CDH23: variants seen among roughly 807,000 people sequenced by gnomAD.
CDH23 encodes the protein cadherin related 23.
A neutral mutation model predicts 317.1 loss-of-function variants in CDH23; 189 were observed. The ratio of observed to expected loss-of-function variants is 0.60; its 90% CI spans 0.53 to 0.67. CDH23 has a LOEUF of 0.67. Ranked by LOEUF, CDH23 falls within the 30% of genes least tolerant of loss-of-function variation. The probability of loss-of-function intolerance (pLI) is 0.00; values close to 1 mark genes in which losing one functional copy is unlikely to be tolerated. For synonymous variants in CDH23, 1,839 were observed against 1,876.8 expected, an observed-to-expected ratio of 0.98 and a Z score of 0.52; for missense variants, 4,401 against 4,592.4, an observed-to-expected ratio of 0.96 and a Z score of 1.20.
intron 14 of CDH23, 52 bp from the exon 15 acceptor site, chr10:71,675,060 T>C (rs1251792753): frequency 5.2e-6 from 8 of 1,547,016 alleles, no homozygotes; most frequent in East Asian, 2.2e-5. Context: ...CCTGTGGACC[T>C]GAAGCCTCAG....
Position 71,554,193 on chromosome 10 carries a change from C to T in CDH23, c.430-12549C>T, listed in dbSNP as rs114532530. 1.4e-3 allele frequency among the ~76,000 whole-genome samples: 214 copies of T among 152,166 alleles called. 1 individual carries two copies. The highest frequency in any genetic ancestry group is 5.0e-3 in the African/African-American group (206 of 41,530). ...AGGCAGGTTTTCTTTTTTGTTTTGT[C>T]GGATTTTTGTTTTTCATTTTTTGAG... On this transcript the variant is annotated intron_variant, in intron 6 of 69. Coordinates refer to ENST00000224721, the MANE Select transcript of CDH23 (RefSeq NM_022124.6).
At chr10:71,655,172 G>A (rs930571805) in intron 14 of CDH23, among the ~76,000 whole-genome samples, 10 of 152,130 alleles carry the variant, frequency 6.6e-5, no homozygotes, top group African/African-American at 1.9e-4. Flanking sequence ...CGAGCTCTCC[G>A]TGACTGGGAA....
intron 35 of CDH23, 128 bp from the exon 36 acceptor site, chr10:71,739,516 C>T (rs1839676780): frequency 3.6e-6 from 4 of 1,119,654 alleles, no homozygotes. Flanking sequence ...TAAAACACTG[C>T]ACTCCCAAAA....
At chr10:71,475,415 G>A (rs1304095344) in intron 3 of CDH23, among the ~76,000 whole-genome samples, 1 of 152,202 alleles carries the variant, frequency 6.6e-6, no homozygotes, top group Non-Finnish European at 1.5e-5. Flanking sequence ...TGTGCAGCCT[G>A]AGCTCTTGGC....
chr10:71,429,996 G>A (rs1204157121), intron 1 of CDH23, among the ~76,000 whole-genome samples: 1 of 152,194 alleles, frequency 6.6e-6, no homozygotes, highest in East Asian at 1.9e-4. Context: ...GTAGATGAAG[G>A]GCATTTGAGC....
chr10:71,478,668 A>T (rs992170283), intron 3 of CDH23, among the ~76,000 whole-genome samples: 9 of 151,940 alleles, frequency 5.9e-5, no homozygotes, highest in African/African-American at 2.2e-4. Flanking sequence ...TCTGGATCCC[A>T]TGCCTCCCCT....
intron 1 of CDH23, among the ~76,000 whole-genome samples, chr10:71,412,705 A>C (rs759913900): frequency 1.3e-5 from 2 of 152,132 alleles, no homozygotes; most frequent in African/African-American, 2.4e-5. Context: ...AGTCATCCTA[A>C]TGGGTGTGAA....
chr10:71,438,382 A>G (rs1430497938), intron 1 of CDH23, among the ~76,000 whole-genome samples: 2 of 152,122 alleles, frequency 1.3e-5, no homozygotes, highest in East Asian at 1.9e-4. Flanking sequence ...AAGAAAGAAA[A>G]AAAAGAAAAA....
At chr10:71,728,741 GTTC>G (rs1250307423) in intron 30 of CDH23, among the ~76,000 whole-genome samples, 1 of 152,174 alleles carries the variant, frequency 6.6e-6, no homozygotes, top group Admixed American at 6.5e-5. Flanking sequence ...TGCCTCTCCT[GTTC>G]TGGGGCCAGC....
rs561849031 is a variant in CDH23, at chr10:71,571,071, G to A, written c.753+153G>A. Among the ~76,000 whole-genome samples the A allele has an allele frequency of 2.0e-5, 3 of 152,282 alleles. 1 individual carries two copies. Among genetic ancestry groups the A allele is most frequent in the African/African-American group, 7.2e-5 (3 of 41,558 alleles). ...GCAGTGATGAGTGTTCTGGCACAGC[G>A]AAACCCCAGCCACTCTTCACACCAC... On this transcript the variant is annotated intron_variant, in intron 8 of 69. Transcript: ENST00000224721.
In CDH23 at chr10:71,617,222, T is replaced by C. The variant is rs374959661; in HGVS notation, c.963T>C (p.Asp321=). ...GTCCATAGGGCACGGAGCTGAACGA[T>C]GACCGCACCCCATCTGACGCTACAG... ...ILTVKGTELN[D]DRTPSDATVT... is the part of the protein sequence containing the mutation. Residue 321 remains aspartate, a synonymous_variant, in exon 11 of 70, where the codon GAT becomes GAC. Transcript: ENST00000224721. The C allele has an allele frequency of 6.2e-7, 1 of 1,613,836 alleles. No homozygotes were observed. The highest frequency in any genetic ancestry group is 1.7e-5 in the Admixed American group (1 of 60,006).
intron 9 of CDH23, among the ~76,000 whole-genome samples, chr10:71,608,145 C>T (rs1860639258): frequency 6.6e-6 from 1 of 152,174 alleles, no homozygotes; most frequent in African/African-American, 2.4e-5. Context: ...GTTGTTGGAA[C>T]CTAGGTCTTT....
intron 6 of CDH23, among the ~76,000 whole-genome samples, chr10:71,559,535 A>G (rs975633735): frequency 6.6e-6 from 1 of 152,190 alleles, no homozygotes; most frequent in Non-Finnish European, 1.5e-5. Flanking sequence ...TTCGATAAGC[A>G]CTTTGATGAG....
At chr10:71,717,773 C>T (rs1303766041) in intron 28 of CDH23, 1 of 152,146 alleles carries the variant, frequency 6.6e-6, no homozygotes, top group Non-Finnish European at 1.5e-5. Context: ...AGCCAGAAAT[C>T]TGGATTTTTT....
chr10:71,499,511 G>A lies in CDH23; in HGVS notation c.146-10571G>A, dbSNP rs531328798. ...CATGAGGTGGAGGTTGCAGTGAGCT[G>A]ATATCATGCCATTGCACTCCAGCCT... On this transcript the variant is annotated intron_variant, in intron 3 of 69. Transcript: ENST00000224721. 3.2e-4 allele frequency among the ~76,000 whole-genome samples: 48 copies of A among 152,006 alleles called. No homozygotes were observed. The South Asian group carries it at 3.3e-3, about 11-fold the overall frequency.
intron 38 of CDH23, among the ~76,000 whole-genome samples, chr10:71,764,932 G>A (rs905446736): frequency 6.6e-6 from 1 of 152,224 alleles, no homozygotes; most frequent in African/African-American, 2.4e-5. Flanking sequence ...CCTGCAGCAG[G>A]CTCAGTGGAA....
chr10:71,482,523 G>T (rs554478475), intron 3 of CDH23, among the ~76,000 whole-genome samples: 1 of 152,224 alleles, frequency 6.6e-6, no homozygotes, highest in African/African-American at 2.4e-5. Flanking sequence ...CCTGAGGTTG[G>T]GGGGACAGGC....
chr10:71,577,117 C>G (rs118060145), intron 8 of CDH23, among the ~76,000 whole-genome samples: 1 of 152,190 alleles, frequency 6.6e-6, no homozygotes, highest in South Asian at 2.1e-4. Context: ...GTACGTTTCT[C>G]CATGTGAGCC....
At chr10:71,768,256 C>T (rs777856099) in intron 38 of CDH23, among the ~76,000 whole-genome samples, 3 of 152,094 alleles carry the variant, frequency 2.0e-5, no homozygotes, top group East Asian at 1.9e-4. Context: ...CTGCAACCTC[C>T]GCCTCCCAGG....
Sources: allele counts gnomAD v4.1 joint callset (sites outside exome capture counted in the v4.1 genomes callset), GRCh38; gene constraint gnomAD v4.1.1; transcripts MANE v1.5; gene names NCBI Gene and HGNC (gene_info 2026-07-23, HGNC 2026-07-21).